Variants in KANSL3 observed in about 807,000 individuals in gnomAD.
KANSL3 encodes NSL complex protein NSL3.
Under a neutral mutation model 89.2 loss-of-function variants are expected in KANSL3, and 16 were observed. The ratio of observed to expected loss-of-function variants is 0.18; its 90% CI spans 0.12 to 0.27. The LOEUF (loss-of-function observed/expected upper bound fraction) is 0.27. KANSL3 is among the 10% of genes least tolerant of loss of function. The probability of loss-of-function intolerance (pLI) is 1.00; values close to 1 mark genes in which losing one functional copy is unlikely to be tolerated. For missense variants in KANSL3, 879 were observed against 1,110.6 expected, an observed-to-expected ratio of 0.79 and a Z score of 2.96; for synonymous variants, 385 against 419.7, an observed-to-expected ratio of 0.92 and a Z score of 1.01.
At chr2:96,615,668 GAA>G (rs1223211636) in intron 5 of KANSL3, 5 of 382,896 alleles carry the variant, frequency 1.3e-5, no homozygotes, top group African/African-American at 2.1e-5. Flanking sequence ...AAAAATAGCA[GAA>G]GATAAGTTGC....
chr2:96,584,837 A>C, the KANSL3 span, among the ~76,000 whole-genome samples: 2 of 152,204 alleles, frequency 1.3e-5, no homozygotes, highest in Non-Finnish European at 2.9e-5. Context: ...ATGGGAGTGC[A>C]CCAACGAGTC....
rs1163340257 is a variant in KANSL3, at chr2:96,595,184, T to C, written c.*427A>G. 1 of 158,326 alleles carries C rather than the reference T, an allele frequency of 6.3e-6. No individual in the cohort carries two copies. Among genetic ancestry groups the C allele is most frequent in the Non-Finnish European group, 1.4e-5 (1 of 71,668 alleles). 9.8% of individuals were successfully genotyped at this position (158,326 alleles called of 1,614,324 possible). On this transcript the variant is annotated 3_prime_UTR_variant, in exon 21 of 21. Transcript: ENST00000431828. ...CCAGTCTTTAGCAAAGAGCTTTCCA[T>C]TCTAACTCCCGAAATCCCAGACCAG... is the stretch of plus-strand genomic sequence containing the variant.
chr2:96,581,226 C>T, the KANSL3 span, among the ~76,000 whole-genome samples: 1 of 152,196 alleles, frequency 6.6e-6, no homozygotes, highest in Non-Finnish European at 1.5e-5. Flanking sequence ...GAGCTCGAGA[C>T]CAGCCTGACC....
intron 2 of KANSL3, chr2:96,636,698 T>C (rs1363384268): frequency 1.5e-5 from 7 of 458,410 alleles, no homozygotes; most frequent in Non-Finnish European, 2.7e-5. Flanking sequence ...ATAGGTTGTC[T>C]GCTTTTCATT....
At chr2:96,612,618 TTC>T in intron 7 of KANSL3, 55 bp from the exon 8 acceptor site, 1 of 1,486,814 alleles carries the variant, frequency 6.7e-7, no homozygotes, top group South Asian at 1.2e-5. Context: ...AATCTTTCAA[TTC>T]TGTTTAACCT....
chr2:96,585,013 C>T, the KANSL3 span, among the ~76,000 whole-genome samples: 3 of 152,174 alleles, frequency 2.0e-5, no homozygotes, highest in Admixed American at 6.5e-5. Context: ...CTGGCTCAAA[C>T]GCTGCGGTGG....
At chr2:96,596,623 T>C (rs1168792792) in intron 20 of KANSL3, among the ~76,000 whole-genome samples, 3 of 152,210 alleles carry the variant, frequency 2.0e-5, no homozygotes, top group Non-Finnish European at 4.4e-5. Flanking sequence ...CTGGGCAATA[T>C]AGCAAGACCC....
chr2:96,591,988 A>G (rs2066283892), downstream of KANSL3, among the ~76,000 whole-genome samples: 1 of 152,196 alleles, frequency 6.6e-6, no homozygotes, highest in Non-Finnish European at 1.5e-5. Context: ...TGTGTGCTTG[A>G]AAAAGACATA....
intron 16 of KANSL3, 60 bp from the exon 17 acceptor site, chr2:96,604,440 C>T (rs1573334283): frequency 1.9e-6 from 3 of 1,580,848 alleles, no homozygotes; most frequent in Admixed American, 1.7e-5. Flanking sequence ...GCCCTAGCAA[C>T]ACTGGCAGGG....
downstream of KANSL3, among the ~76,000 whole-genome samples, chr2:96,592,774 C>T (rs1422813495): frequency 6.6e-5 from 10 of 152,078 alleles, no homozygotes; most frequent in Admixed American, 1.3e-4. Context: ...GAGGCTGAGG[C>T]GGGCGGATCA....
At chr2:96,622,858 A>C (rs1481911236) in intron 3 of KANSL3, among the ~76,000 whole-genome samples, 2 of 152,182 alleles carry the variant, frequency 1.3e-5, no homozygotes, top group Admixed American at 1.3e-4. Context: ...CGCCAACCTG[A>C]AACAATGGCT....
At chr2:96,587,341 C>T in the KANSL3 span, among the ~76,000 whole-genome samples, 1 of 152,212 alleles carries the variant, frequency 6.6e-6, no homozygotes, top group Non-Finnish European at 1.5e-5. Context: ...GAAACAAGAA[C>T]ATGTGAGAAA....
intron 5 of KANSL3, chr2:96,615,377 T>G (rs2069858688): frequency 3.2e-6 from 1 of 313,206 alleles, no homozygotes; most frequent in African/African-American, 2.2e-5. Context: ...TACAAAAATA[T>G]ATATCCTGCT....
intron 20 of KANSL3, chr2:96,600,975 C>G (rs1471933730): frequency 1.9e-5 from 15 of 777,824 alleles, no homozygotes; most frequent in Non-Finnish European, 2.3e-5. Context: ...TGAGATATCT[C>G]TGTCTCCATG....
intron 20 of KANSL3, chr2:96,599,593 T>TA (rs1390836422): frequency 1.2e-5 from 2 of 161,856 alleles, no homozygotes; most frequent in African/African-American, 4.8e-5. Context: ...AAATAAAAGT[T>TA]AAAAGACTGA....
rs2067070681 is a variant in KANSL3, at chr2:96,600,842, A to G, written c.2616+801T>C. 5.1e-6 allele frequency: 5 copies of G among 985,390 alleles called. No individual in the cohort carries two copies. The South Asian group carries it at 1.4e-4, about 28-fold the overall frequency. 61.0% of individuals were successfully genotyped at this position (985,390 alleles called of 1,614,324 possible). A position where few individuals can be genotyped will look rare whatever the true frequency, so the allele number is the denominator to read the frequency against. On this transcript the variant is annotated intron_variant, in intron 20 of 20. Coordinates refer to ENST00000431828, the MANE Select transcript of KANSL3 (RefSeq NM_001115016.3). Reference sequence around the variant, plus strand: ...CTGTGCCCTAAAAAGACAGCAATAAATGCTAAGATATGGGAAGGCACAGTG... The same window carrying G: ...CTGTGCCCTAAAAAGACAGCAATAAGTGCTAAGATATGGGAAGGCACAGTG...
chr2:96,604,845 A>G lies in KANSL3; in HGVS notation c.1952T>C (p.Ile651Thr), dbSNP rs138853371. 7.5e-6 allele frequency: 12 copies of G among 1,596,452 alleles called. No homozygotes were observed. In the African/African-American group the frequency reaches 1.5e-4, roughly 20 times the overall value. Residue 651 changes from isoleucine to threonine, a missense_variant, in exon 16 of 21, where the codon ATC becomes ACC. Around this residue, in one of 6 missense-constraint regions of KANSL3, gnomAD observed 317 missense variants for 311.2 expected, o/e 1.02. Transcript: ENST00000431828. Reference protein sequence around the residue: ...SAPEAAGGKPITMTLGQASAG... With the variant: ...SAPEAAGGKPTTMTLGQASAG... Reference sequence around the variant, plus strand: ...TGAAGCCTGCCCCAGTGTCATGGTGATGGGCTTCCCACCTGCAGCTTCAAA... The same window carrying G: ...TGAAGCCTGCCCCAGTGTCATGGTGGTGGGCTTCCCACCTGCAGCTTCAAA...
At chr2:96,596,167 G>C (rs1325455738) in intron 20 of KANSL3, among the ~76,000 whole-genome samples, 1 of 152,220 alleles carries the variant, frequency 6.6e-6, no homozygotes, top group African/African-American at 2.4e-5. Context: ...TTAAGAATAA[G>C]GAAGCAAGTA....
At chr2:96,598,470 T>G (rs1157315307) in intron 20 of KANSL3, among the ~76,000 whole-genome samples, 1 of 152,230 alleles carries the variant, frequency 6.6e-6, no homozygotes, top group Non-Finnish European at 1.5e-5. Flanking sequence ...TTCTTTCTTT[T>G]TTCATTTCGT....
Sources: gnomAD v4.1 joint callset for allele counts (sites outside exome capture counted in the v4.1 genomes callset) on GRCh38, gnomAD v4.1.1 for gene constraint, gnomAD v4.1.1 regional missense constraint, MANE v1.5 for transcripts, NCBI Gene and HGNC (gene_info 2026-07-23, HGNC 2026-07-21) for gene names.